Variants in GALNTL6 observed in about 807,000 individuals in gnomAD.
GALNTL6 encodes the protein polypeptide N-acetylgalactosaminyltransferase-like 6.
Under a neutral mutation model 73.7 loss-of-function variants are expected in GALNTL6, and 46 were observed. The observed-to-expected ratio is 0.62, with a 90% confidence interval of 0.49 to 0.80. The LOEUF is 0.80. Among genes scored for constraint, GALNTL6 ranks in the 30% least tolerant of loss-of-function variants. GALNTL6 has a pLI of 0.00. For synonymous variants in GALNTL6, 259 were observed against 263.7 expected (o/e 0.98, Z 0.17); for missense variants, 604 against 755.0 (o/e 0.80, Z 2.34).
intron 2 of GALNTL6, among the ~76,000 whole-genome samples, chr4:171,826,682 ATTAGC>A (rs1441304745): frequency 6.6e-6 from 1 of 152,140 alleles, no homozygotes; most frequent in African/African-American, 2.4e-5. Flanking sequence ...CTTGTTAGAA[ATTAGC>A]TTAACACTCC....
At chr4:172,898,449 T>TA (rs545908855) in intron 8 of GALNTL6, among the ~76,000 whole-genome samples, 561 of 141,606 alleles carry the variant, frequency 4.0e-3, no homozygotes, top group Middle Eastern at 0.033. Flanking sequence ...AGATGGTATT[T>TA]AAAAAAAAAA....
chr4:171,982,442 C>T (rs772718314), intron 2 of GALNTL6, among the ~76,000 whole-genome samples: 2 of 152,042 alleles, frequency 1.3e-5, no homozygotes, highest in African/African-American at 2.4e-5. Context: ...GGACTACAGG[C>T]GCCCGCCACC....
chr4:172,474,546 G>T (rs1733165775), intron 5 of GALNTL6, among the ~76,000 whole-genome samples: 2 of 152,116 alleles, frequency 1.3e-5, no homozygotes, highest in South Asian at 4.1e-4. Flanking sequence ...TATAATCAGT[G>T]ATAACTTAAT....
chr4:171,966,878 CTTG>C (rs2082274239), intron 2 of GALNTL6, among the ~76,000 whole-genome samples: 1 of 151,850 alleles, frequency 6.6e-6, no homozygotes. Context: ...TAATTTTTTT[CTTG>C]TTGTTGTACT....
intron 5 of GALNTL6, among the ~76,000 whole-genome samples, chr4:172,397,446 C>T (rs1326224760): frequency 6.6e-6 from 1 of 152,012 alleles, no homozygotes; most frequent in African/African-American, 2.4e-5. Flanking sequence ...CGTTCAAGGA[C>T]CTTTTGAGTT....
chr4:172,245,904 GT>G (rs1372843884), intron 3 of GALNTL6, among the ~76,000 whole-genome samples: 1 of 152,124 alleles, frequency 6.6e-6, no homozygotes, highest in Non-Finnish European at 1.5e-5. Flanking sequence ...GTAGCAGTGG[GT>G]TTTGAGCAGC....
chr4:172,966,544 G>A (rs560021436), intron 10 of GALNTL6, among the ~76,000 whole-genome samples: 6 of 152,214 alleles, frequency 3.9e-5, no homozygotes, highest in East Asian at 1.9e-4. Flanking sequence ...ACAGGCATGC[G>A]CCACCACGCC....
rs200102221 is a variant in GALNTL6, at chr4:172,383,272, A to G, written c.553+34583A>G. Among the ~76,000 whole-genome samples the G allele has an allele frequency of 8.2e-4, 124 of 151,158 alleles. 1 individual carries two copies. The South Asian group carries it at 0.016, about 20-fold the overall frequency. On this transcript the variant is annotated intron_variant, in intron 5 of 12. Transcript: ENST00000506823. ...TTCCAGTTCTTTTCATTTTTTTTAG[A>G]TTTTCTGTAACTTTTTTCAACAAAA...
chr4:172,142,907 C>T (rs941734793), intron 2 of GALNTL6, among the ~76,000 whole-genome samples: 2 of 151,772 alleles, frequency 1.3e-5, no homozygotes, highest in African/African-American at 4.8e-5. Flanking sequence ...TCTCCTGTTG[C>T]CCTATTCTAC....
At chr4:172,157,317 T>G (rs1467489045) in intron 2 of GALNTL6, among the ~76,000 whole-genome samples, 1 of 152,206 alleles carries the variant, frequency 6.6e-6, no homozygotes, top group Non-Finnish European at 1.5e-5. Flanking sequence ...GACTAGGATT[T>G]GTTTTTATTA....
Position 172,885,881 on chromosome 4 carries a change from C to T in GALNTL6, c.1041+2974C>T, listed in dbSNP as rs144469571. Among the ~76,000 whole-genome samples the T allele has an allele frequency of 5.9e-3, 898 of 152,190 alleles. 12 individuals carry two copies. Among genetic ancestry groups the T allele is most frequent in the African/African-American group, 0.02 (846 of 41,530 alleles). On this transcript the variant is annotated intron_variant, in intron 8 of 12. Coordinates refer to ENST00000506823, the MANE Select transcript of GALNTL6 (RefSeq NM_001034845.3). ...ACTTATTGATTTGTATACGTTGAAC[C>T]ATCTTTGCATCTTTGGGATGAAGCC...
At chr4:172,467,170 G>A (rs1302051024) in intron 5 of GALNTL6, among the ~76,000 whole-genome samples, 2 of 152,174 alleles carry the variant, frequency 1.3e-5, no homozygotes, top group East Asian at 3.8e-4. Context: ...AAAGAGAAAA[G>A]GCCGTGATAA....
intron 2 of GALNTL6, among the ~76,000 whole-genome samples, chr4:171,996,101 C>G (rs1249210165): frequency 6.6e-6 from 1 of 152,006 alleles, no homozygotes; most frequent in Non-Finnish European, 1.5e-5. Context: ...ATTTAACAGC[C>G]CATATTCTTG....
chr4:173,005,136 C>A (rs920156259), intron 10 of GALNTL6, among the ~76,000 whole-genome samples: 2 of 152,096 alleles, frequency 1.3e-5, no homozygotes, highest in African/African-American at 4.8e-5. Context: ...ACTTCCCTTG[C>A]AGACCTAAAG....
chr4:171,889,591 T>A (rs1736704000), intron 2 of GALNTL6, among the ~76,000 whole-genome samples: 1 of 152,118 alleles, frequency 6.6e-6, no homozygotes, highest in South Asian at 2.1e-4. Flanking sequence ...ATGCCCATCA[T>A]ACTGAAGAAT....
chr4:171,828,786 C>G (rs1349260258), intron 2 of GALNTL6, among the ~76,000 whole-genome samples: 1 of 152,062 alleles, frequency 6.6e-6, no homozygotes, highest in African/African-American at 2.4e-5. Flanking sequence ...CTGGGCCTAG[C>G]TAATCTTTGT....
intron 4 of GALNTL6, among the ~76,000 whole-genome samples, chr4:172,337,096 C>G (rs1741359038): frequency 6.6e-6 from 1 of 152,080 alleles, no homozygotes; most frequent in Non-Finnish European, 1.5e-5. Flanking sequence ...GACCCCTGCT[C>G]TTTTTTGTTT....
intron 2 of GALNTL6, among the ~76,000 whole-genome samples, chr4:171,906,899 G>A (rs1337050512): frequency 6.6e-6 from 1 of 152,136 alleles, no homozygotes; most frequent in Non-Finnish European, 1.5e-5. Flanking sequence ...AAAACCACAT[G>A]ATTACCTCAA....
chr4:172,863,251 GGA>G, intron 7 of GALNTL6, among the ~76,000 whole-genome samples: 1 of 152,200 alleles, frequency 6.6e-6, no homozygotes, highest in East Asian at 1.9e-4. Context: ...ACTACCTAGT[GGA>G]GCTGTGAGAA....
Sources: gnomAD v4.1 joint callset for allele counts (sites outside exome capture counted in the v4.1 genomes callset) on GRCh38, gnomAD v4.1.1 for gene constraint, MANE v1.5 for transcripts, NCBI Gene and HGNC (gene_info 2026-07-23, HGNC 2026-07-21) for gene names.